PGGHG: variants seen among roughly 807,000 people sequenced by gnomAD.
PGGHG encodes the protein protein-glucosylgalactosylhydroxylysine glucosidase.
Under a neutral mutation model 74.5 loss-of-function variants are expected in PGGHG, and 67 were observed. The observed-to-expected ratio is 0.90, with a 90% CI of 0.74 to 1.10. PGGHG has a LOEUF of 1.10. Ranked by LOEUF, PGGHG falls within the 50% of genes least tolerant of loss-of-function variation. The pLI is 0.00. For missense variants in PGGHG, 1,034 were observed against 981.5 expected (o/e 1.05, Z -0.72); for synonymous variants, 496 against 419.9 (o/e 1.18, Z -2.21).
chr11:290,881 G>C lies in PGGHG; in HGVS notation c.674G>C (p.Gly225Ala). Residue 225 changes from glycine (G) to alanine (A), a missense_variant, in exon 4 of 14, where the codon GGA becomes GCA. Gly to Ala is a moderately conservative substitution (Grantham distance 60). Coordinates refer to ENST00000409548, the MANE Select transcript of PGGHG (RefSeq NM_025092.5). Reference protein sequence around the residue: ...LTEALQLQARGALYTAHAQAW... With the variant: ...LTEALQLQARAALYTAHAQAW... ...GAGGCCCTGCAGCTGCAGGCCAGGG[G>C]AGCTCTGTATACGGCTCACGCACAG... 2 of 1,611,674 alleles carry C rather than the reference G, an allele frequency of 1.2e-6. No homozygotes were observed. The highest frequency in any genetic ancestry group is 1.7e-6 in the Non-Finnish European group (2 of 1,179,268).
chr11:290,891 TACGGCTC>T lies in PGGHG; in HGVS notation c.688_694del (p.Ala230HisfsTer9). 6.2e-7 allele frequency: 1 copy of T among 1,612,302 alleles called. No individual in the cohort carries two copies. Among genetic ancestry groups the T allele is most frequent in the Non-Finnish European group, 8.5e-7 (1 of 1,179,666 alleles). ...AGCTGCAGGCCAGGGGAGCTCTGTA[TACGGCTC>T]ACGCACAGGCCTGGGCCCAGCTCTG... On this transcript the variant is annotated frameshift_variant, in exon 4 of 14. Transcript: ENST00000409548. LOFTEE classifies it high-confidence loss of function.
chr11:290,335 G>T, intron 2 of PGGHG, 55 bp from the exon 3 acceptor site: 1 of 1,506,212 alleles, frequency 6.6e-7, no homozygotes, highest in Non-Finnish European at 8.9e-7. Flanking sequence ...GTCCACTCCT[G>T]CCCCAGAGAG....
rs1590279837 is a variant in PGGHG, at chr11:289,276, C to A, written c.-14+37C>A. On this transcript the variant is annotated intron_variant, in intron 1 of 13. Transcript: ENST00000409548. The surrounding 1 kb of genome is among the most constrained non-coding windows in gnomAD (Gnocchi z 5.6). ...AGGCCCCCGCCCCGCAGCTCCCGGC[C>A]GCCCCGGCCCGTCCCCCCAGCCCCC... is the stretch of plus-strand genomic sequence containing the variant. 6.8e-6 allele frequency: 1 copy of A among 147,770 alleles called. No homozygotes were observed. The highest frequency in any genetic ancestry group is 1.5e-5 in the Non-Finnish European group (1 of 65,958). The allele number at this position is 147,770 out of a possible 1,614,324, so 9.2% of individuals were successfully genotyped here. A position where few individuals can be genotyped will look rare whatever the true frequency, so the allele number is the denominator to read the frequency against.
rs1250726152 is a variant in PGGHG, at chr11:295,649, A to C, written c.*900A>C. Reference sequence around the variant, plus strand: ...CCCCTGCACCGCTGTCAGCCTGAGGAATTAAAGCTTTGGTGCTGGGGAGAG... The same window carrying C: ...CCCCTGCACCGCTGTCAGCCTGAGGCATTAAAGCTTTGGTGCTGGGGAGAG... On this transcript the variant is annotated 3_prime_UTR_variant, in exon 14 of 14. Coordinates refer to ENST00000409548, the MANE Select transcript of PGGHG (RefSeq NM_025092.5). 1 of 152,360 alleles carries C rather than the reference A, an allele frequency of 6.6e-6. No homozygotes were observed. Among genetic ancestry groups the C allele is most frequent in the Non-Finnish European group, 1.5e-5 (1 of 68,072 alleles). 9.4% of individuals were successfully genotyped at this position (152,360 alleles called of 1,614,324 possible). A position where few individuals can be genotyped will look rare whatever the true frequency, so the allele number is the denominator to read the frequency against.
chr11:290,252 A>C, intron 2 of PGGHG, 138 bp from the exon 3 acceptor site: 7 of 1,344,226 alleles, frequency 5.2e-6, no homozygotes, highest in Non-Finnish European at 7.0e-6. Flanking sequence ...CCTCCTGTGC[A>C]GCTGTAGCGG....
At chr11:293,069 C>T in intron 7 of PGGHG, 72 bp downstream of exon 7, 1 of 1,613,882 alleles carries the variant, frequency 6.2e-7, no homozygotes, top group Non-Finnish European at 8.5e-7. Context: ...GATTTTCAGA[C>T]ACCTCACGTG....
In PGGHG at chr11:289,353, C is replaced by T. The variant is rs1226034173; in HGVS notation, c.-14+114C>T. 7.2e-6 allele frequency: 1 copy of T among 138,986 alleles called. No homozygotes were observed. The highest frequency in any genetic ancestry group is 6.9e-5 in the Admixed American group (1 of 14,448). The allele number at this position is 138,986 out of a possible 1,614,324, so 8.6% of individuals were successfully genotyped here. ...CGCGCCTGCCCCAGCCGCCTACACC[C>T]CCGAGACCCCCACCCGCCCGGCGCC... On this transcript the variant is annotated intron_variant, in intron 1 of 13. Transcript: ENST00000409548. This position sits in a 1 kb window ranked among gnomAD's most constrained non-coding sequence, Gnocchi z 5.6.
chr11:293,793 G>C (rs781766480), intron 10 of PGGHG, 37 bp from the exon 11 acceptor site: 3 of 1,613,450 alleles, frequency 1.9e-6, no homozygotes, highest in Non-Finnish European at 1.7e-6. Flanking sequence ...CACGCAGTGG[G>C]CCTCACCCCT....
At position 292,629 on chromosome 11, in the gene PGGHG, C is replaced by T; in HGVS notation, c.1110C>T (p.Val370=). Residue 370 remains valine, a synonymous_variant, in exon 6 of 14, where the codon GTC becomes GTT. Coordinates refer to ENST00000409548, the MANE Select transcript of PGGHG (RefSeq NM_025092.5). Reference sequence around the variant, plus strand: ...TTTACGGAGTCCAGGAGGTCCACGTCAACGGGGCCGTGGTGTTGGCCTTCG... The same window carrying T: ...TTTACGGAGTCCAGGAGGTCCACGTTAACGGGGCCGTGGTGTTGGCCTTCG... ...EDIYGVQEVH[V]NGAVVLAFEL... is the part of the protein sequence containing the mutation. 6.2e-7 allele frequency: 1 copy of T among 1,613,800 alleles called. No individual in the cohort carries two copies. Among genetic ancestry groups the T allele is most frequent in the Non-Finnish European group, 8.5e-7 (1 of 1,180,004 alleles).
intron 5 of PGGHG, 48 bp downstream of exon 5, chr11:292,143 G>A (rs1845742175): frequency 1.3e-6 from 2 of 1,495,460 alleles, no homozygotes; most frequent in African/African-American, 2.8e-5. Flanking sequence ...AGGGCCTGCA[G>A]CCCCCACACC....
In PGGHG at chr11:294,346, C is replaced by G. The variant is rs141037172; in HGVS notation, c.1888C>G (p.Gln630Glu). The G allele has an allele frequency of 1.2e-6, 2 of 1,613,116 alleles. No individual in the cohort carries two copies. Among genetic ancestry groups the G allele is most frequent in the East Asian group, 2.2e-5 (1 of 44,882 alleles). Reference protein sequence around the residue: ...SRVSVSGIFYQGNKLNFSFSE... With the variant: ...SRVSVSGIFYEGNKLNFSFSE... ...AGTGAGCGTCTCCGGCATCTTCTAC[C>G]AGGGGAACAAGCTCAACTTCTCTTT... Residue 630 changes from glutamine to glutamate, a missense_variant, in exon 13 of 14, where the codon CAG becomes GAG. Gln to Glu is a conservative substitution (Grantham distance 29). Transcript: ENST00000409548.
Position 294,367 on chromosome 11 carries a change from T to A in PGGHG, c.1909T>A (p.Ser637Thr). 6.2e-7 allele frequency: 1 copy of A among 1,613,132 alleles called. No individual in the cohort carries two copies. Among genetic ancestry groups the A allele is most frequent in the Non-Finnish European group, 8.5e-7 (1 of 1,179,980 alleles). The change falls in exon 13 of 14, where the codon TCT (serine) becomes ACT (threonine). Residue 637 changes from serine to threonine, a missense_variant. By Grantham distance (58) the Ser-to-Thr change is moderately conservative. Coordinates refer to ENST00000409548, the MANE Select transcript of PGGHG (RefSeq NM_025092.5). ...CTACCAGGGGAACAAGCTCAACTTC[T>A]CTTTTTCCGAGGACTCCGTGACCGT... The part of the protein sequence containing the change: ...IFYQGNKLNF[S>T]FSEDSVTVEV...
In PGGHG at chr11:292,972, C is replaced by T. The variant is rs1035396168; in HGVS notation, c.1245C>T (p.Pro415=). ...GGTGCAGTCGTGTTGAGTGGAGCCC[C>T]AGGGAGGAAAAGTACCACCTGAGGG... The part of the protein sequence containing the change: ...EFWCSRVEWS[P]REEKYHLRGV... Residue 415 remains proline (P), a synonymous_variant, in exon 7 of 14, where the codon CCC becomes CCT. Transcript: ENST00000409548. The T allele has an allele frequency of 1.2e-6, 2 of 1,613,228 alleles. No individual in the cohort carries two copies. Among genetic ancestry groups the T allele is most frequent in the Non-Finnish European group, 1.7e-6 (2 of 1,179,804 alleles).
At chr11:290,122 G>A (rs1316291458) in intron 2 of PGGHG, 47 bp downstream of exon 2, 2 of 1,482,978 alleles carry the variant, frequency 1.3e-6, no homozygotes, top group African/African-American at 2.8e-5. Context: ...CATTGTTCCA[G>A]GTCGGTGGGG....
rs576943817 is a variant in PGGHG, at chr11:292,998, G to C, written c.1270+1G>C. 1.3e-6 allele frequency: 2 copies of C among 1,593,654 alleles called. No homozygotes were observed. Among genetic ancestry groups the C allele is most frequent in the East Asian group, 4.5e-5 (2 of 44,832 alleles). ...AGGGAGGAAAAGTACCACCTGAGGG[G>C]TGAGGCCATGGTGGGGAGGGGCTCG... On this transcript the variant is annotated splice_donor_variant, in intron 7 of 13. Coordinates refer to ENST00000409548, the MANE Select transcript of PGGHG (RefSeq NM_025092.5). LOFTEE classifies it high-confidence loss of function.
chr11:290,151 C>T, intron 2 of PGGHG, 76 bp downstream of exon 2: 56 of 1,460,088 alleles, frequency 3.8e-5, no homozygotes, highest in Non-Finnish European at 5.0e-5. Context: ...GCATCGAATC[C>T]CACCAGCACC....
At chr11:292,504 C>T (rs1845753781) in intron 5 of PGGHG, 42 bp from the exon 6 acceptor site, 2 of 1,600,514 alleles carry the variant, frequency 1.2e-6, no homozygotes, top group Non-Finnish European at 1.7e-6. Context: ...GGCCACCGCT[C>T]CCCTCCAACA....
intron 4 of PGGHG, chr11:291,617 CGTT>C (rs1845723215): frequency 7.0e-6 from 2 of 285,242 alleles, no homozygotes; most frequent in Non-Finnish European, 1.3e-5. Context: ...GCTGCTCCAT[CGTT>C]GTCTGAGCCT....
At position 294,612 on chromosome 11, in the gene PGGHG, C is replaced by T; in HGVS notation, c.2077C>T (p.Leu693=). ...CCGGATACAAATGTCACCCCCGAAG[C>T]TGCCTGGAAGTTCCAGCTCCGAGTT... ...AGRIQMSPPK[L]PGSSSSEFPG... is the part of the protein sequence containing the mutation. The change falls in exon 14 of 14, where the codon CTG becomes TTG. Residue 693 remains leucine, a synonymous_variant. Coordinates refer to ENST00000409548, the MANE Select transcript of PGGHG (RefSeq NM_025092.5). 1 of 1,602,292 alleles carries T rather than the reference C, an allele frequency of 6.2e-7. No homozygotes were observed. Among genetic ancestry groups the T allele is most frequent in the Non-Finnish European group, 8.5e-7 (1 of 1,178,190 alleles).
Sources: gnomAD v4.1 joint callset for allele counts on GRCh38, gnomAD v4.1.1 for gene constraint, Gnocchi (gnomAD v3.1) non-coding constraint, MANE v1.5 for transcripts, NCBI Gene and HGNC (gene_info 2026-07-23, HGNC 2026-07-21) for gene names.